Variants in RANBP9 observed in about 807,000 individuals in gnomAD.
The protein encoded by RANBP9 is ran-binding protein 9.
RANBP9 carries 15 observed loss-of-function variants against 84.3 expected under a neutral mutation model. The observed-to-expected ratio is 0.18, with a 90% confidence interval of 0.12 to 0.27. The LOEUF (loss-of-function observed/expected upper bound fraction) is 0.27, where lower values mean the gene tolerates loss of function less well. RANBP9 is among the 10% of genes least tolerant of loss of function. The pLI is 1.00. For synonymous variants in RANBP9, 392 were observed against 349.6 expected, an observed-to-expected ratio of 1.12 and a Z score of -1.35; for missense variants, 809 against 912.8, an observed-to-expected ratio of 0.89 and a Z score of 1.46.
At chr6:13,709,419 C>G in intron 1 of RANBP9, among the ~76,000 whole-genome samples, 1 of 152,188 alleles carries the variant, frequency 6.6e-6, no homozygotes, top group East Asian at 1.9e-4. Flanking sequence ...TATTTACTGT[C>G]AACCATAAAT....
At chr6:13,689,284 T>C (rs968435316) in intron 2 of RANBP9, among the ~76,000 whole-genome samples, 1 of 151,856 alleles carries the variant, frequency 6.6e-6, no homozygotes. Flanking sequence ...TTTTTTTTTT[T>C]TTTGAGAGAT....
chr6:13,702,976 G>C (rs576729016), intron 1 of RANBP9, among the ~76,000 whole-genome samples: 2 of 152,274 alleles, frequency 1.3e-5, no homozygotes, highest in East Asian at 1.9e-4. Context: ...CCTATCTGTT[G>C]CAACAGACAC....
chr6:13,708,108 A>T (rs1758174974), intron 1 of RANBP9, among the ~76,000 whole-genome samples: 1 of 152,248 alleles, frequency 6.6e-6, no homozygotes, highest in Non-Finnish European at 1.5e-5. Context: ...CAGTAATTTC[A>T]ATTTAGAAGA....
chr6:13,631,807 G>C (rs1175573410), intron 12 of RANBP9, among the ~76,000 whole-genome samples: 1 of 152,142 alleles, frequency 6.6e-6, no homozygotes, highest in Admixed American at 6.5e-5. Flanking sequence ...TACTGAATTA[G>C]ATTGTATCCA....
chr6:13,688,786 T>C (rs1003733404), intron 2 of RANBP9, among the ~76,000 whole-genome samples: 2 of 151,680 alleles, frequency 1.3e-5, no homozygotes, highest in African/African-American at 4.8e-5. Flanking sequence ...CAGACCGCCA[T>C]CACACACTTC....
At chr6:13,623,400 G>A (rs1221461544) in intron 13 of RANBP9, among the ~76,000 whole-genome samples, 1 of 152,198 alleles carries the variant, frequency 6.6e-6, no homozygotes, top group Non-Finnish European at 1.5e-5. Context: ...CAATTTGATG[G>A]TGGAAGAAAG....
chr6:13,676,864 CAACTT>C (rs2113319581), intron 2 of RANBP9, among the ~76,000 whole-genome samples: 1 of 152,188 alleles, frequency 6.6e-6, no homozygotes, highest in South Asian at 2.1e-4. Flanking sequence ...GGAGCTTCCT[CAACTT>C]AATAAAGAAC....
chr6:13,642,457 C>T, intron 7 of RANBP9, 22 bp downstream of exon 7: 1 of 1,315,404 alleles, frequency 7.6e-7, no homozygotes, highest in Middle Eastern at 1.9e-4. Flanking sequence ...CAAATGTTAG[C>T]CATGCACCAC....
At chr6:13,643,435 A>T (rs553458007) in intron 6 of RANBP9, among the ~76,000 whole-genome samples, 13 of 152,350 alleles carry the variant, frequency 8.5e-5, no homozygotes, top group Non-Finnish European at 1.8e-4. Context: ...CGTGGGAAGC[A>T]GTGGTTCACC....
chr6:13,702,818 A>C (rs1444904174), intron 1 of RANBP9, among the ~76,000 whole-genome samples: 1 of 151,946 alleles, frequency 6.6e-6, no homozygotes. Context: ...TCTATTCACT[A>C]TCCTCTCTAC....
chr6:13,688,710 T>C (rs1348449477), intron 2 of RANBP9, among the ~76,000 whole-genome samples: 3 of 151,578 alleles, frequency 2.0e-5, no homozygotes, highest in Non-Finnish European at 4.4e-5. Context: ...TATCACACTC[T>C]ATCCTCAGGC....
chr6:13,631,099 C>T (rs138232863), intron 12 of RANBP9, among the ~76,000 whole-genome samples: 496 of 152,294 alleles, frequency 3.3e-3, no homozygotes, highest in African/African-American at 0.011. Flanking sequence ...TGAGCCACCG[C>T]GCCCGGCCTG....
intron 2 of RANBP9, among the ~76,000 whole-genome samples, chr6:13,677,947 G>A (rs567256781): frequency 1.1e-4 from 16 of 152,040 alleles, no homozygotes; most frequent in African/African-American, 2.9e-4. Context: ...GCAAAACCCC[G>A]TCTCTACATA....
chr6:13,651,702 G>A (rs913350421), intron 5 of RANBP9, among the ~76,000 whole-genome samples: 9 of 151,714 alleles, frequency 5.9e-5, no homozygotes, highest in African/African-American at 2.2e-4. Flanking sequence ...GCCCGGCCTA[G>A]TCTACTTTTC....
At chr6:13,708,481 C>A (rs1758183263) in intron 1 of RANBP9, among the ~76,000 whole-genome samples, 1 of 151,912 alleles carries the variant, frequency 6.6e-6, no homozygotes, top group African/African-American at 2.4e-5. Flanking sequence ...ACCTTTGGAG[C>A]AAAAGAAAGC....
At chr6:13,698,869 A>G (rs1016654946) in intron 1 of RANBP9, among the ~76,000 whole-genome samples, 4 of 152,196 alleles carry the variant, frequency 2.6e-5, no homozygotes, top group African/African-American at 4.8e-5. Context: ...AACCTGATCT[A>G]GTGTGAGCTC....
chr6:13,674,069 G>C (rs1324035945), intron 2 of RANBP9, among the ~76,000 whole-genome samples: 1 of 150,796 alleles, frequency 6.6e-6, no homozygotes, highest in Non-Finnish European at 1.5e-5. Context: ...GGGTGACAGA[G>C]GGAGACCTTG....
chr6:13,694,996 A>G (rs940914272), intron 2 of RANBP9, among the ~76,000 whole-genome samples: 4 of 152,228 alleles, frequency 2.6e-5, no homozygotes, highest in Non-Finnish European at 2.9e-5. Context: ...AGAACAGTAC[A>G]CTAAAAAGAA....
At chr6:13,690,522 T>C (rs1451011676) in intron 2 of RANBP9, among the ~76,000 whole-genome samples, 1 of 152,190 alleles carries the variant, frequency 6.6e-6, no homozygotes, top group Non-Finnish European at 1.5e-5. Context: ...GAGTGCACTT[T>C]ATTATCAGCA....
Sources: allele counts gnomAD v4.1 joint callset (sites outside exome capture counted in the v4.1 genomes callset), GRCh38; gene constraint gnomAD v4.1.1; transcripts MANE v1.5; gene names NCBI Gene and HGNC (gene_info 2026-07-23, HGNC 2026-07-21).